The following RTL4 variants were observed in gnomAD, a reference collection of about 807,000 sequenced individuals.
The protein encoded by RTL4 is retrotransposon Gag-like protein 4.
In RTL4, 4 loss-of-function variants were observed where a neutral mutation model predicts 5.3. The observed-to-expected ratio is 0.75, with a 90% CI of 0.37 to 1.72. The LOEUF is 1.72. Among genes scored for constraint, RTL4 ranks in the 40% most tolerant of loss-of-function variants. RTL4 has a pLI of 0.04. For missense variants in RTL4, 260 were observed against 227.1 expected (o/e 1.14, Z -0.93); for synonymous variants, 98 against 87.3 (o/e 1.12, Z -0.68).
chrX:112,084,303 C>T, the RTL4 span, among the ~76,000 whole-genome samples: 1 of 110,368 alleles, frequency 9.1e-6, no homozygotes, highest in South Asian at 4.0e-4. Flanking sequence ...CTCCTAGTCC[C>T]GAGGCAGTCC....
chrX:112,353,334 C>T, the RTL4 span, among the ~76,000 whole-genome samples: 193 of 111,371 alleles, frequency 1.7e-3, no homozygotes, highest in African/African-American at 6.0e-3. Context: ...TATTACTGGG[C>T]ATATACCCAA....
the RTL4 span, among the ~76,000 whole-genome samples, chrX:112,147,498 GGACAGA>G: frequency 2.3e-4 from 26 of 111,977 alleles, no homozygotes; most frequent in Non-Finnish European, 4.9e-4. Flanking sequence ...AGTCCATATG[GGACAGA>G]GTTGTGGCCA....
At chrX:112,151,699 A>G in the RTL4 span, among the ~76,000 whole-genome samples, 1 of 111,962 alleles carries the variant, frequency 8.9e-6, no homozygotes, top group African/African-American at 3.2e-5. Flanking sequence ...AGGTGAGTTT[A>G]ATTTATTCCT....
At chrX:112,380,720 C>T in the RTL4 span, among the ~76,000 whole-genome samples, 16 of 112,385 alleles carry the variant, frequency 1.4e-4, no homozygotes, top group Non-Finnish European at 2.8e-4. Flanking sequence ...TGAAGGGGCG[C>T]GGCCGTTGCC....
At chrX:112,437,128 A>G in the RTL4 span, among the ~76,000 whole-genome samples, 1 of 111,745 alleles carries the variant, frequency 8.9e-6, no homozygotes, top group Non-Finnish European at 1.9e-5. Flanking sequence ...GCTTCTACCT[A>G]CTTTCCTGTC....
At chrX:112,301,007 A>C in the RTL4 span, among the ~76,000 whole-genome samples, 1 of 111,697 alleles carries the variant, frequency 9.0e-6, no homozygotes, top group Non-Finnish European at 1.9e-5. Flanking sequence ...CCTGTGGAGT[A>C]TATCAATGAG....
At chrX:112,144,901 C>A in the RTL4 span, among the ~76,000 whole-genome samples, 1 of 111,684 alleles carries the variant, frequency 9.0e-6, no homozygotes, top group African/African-American at 3.3e-5. Flanking sequence ...GATTTCTAAT[C>A]CCAAATATGA....
chrX:112,442,960 A>T, the RTL4 span, among the ~76,000 whole-genome samples: 22 of 111,369 alleles, frequency 2.0e-4, no homozygotes, highest in Non-Finnish European at 3.2e-4. Flanking sequence ...TTAAATTATT[A>T]TTGACTTACA....
the RTL4 span, among the ~76,000 whole-genome samples, chrX:112,400,291 C>T: frequency 1.8e-5 from 2 of 111,613 alleles, no homozygotes; most frequent in East Asian, 2.8e-4. Context: ...TATTATGTTT[C>T]GTTTGGGATC....
At chrX:112,273,288 C>G in the RTL4 span, among the ~76,000 whole-genome samples, 4 of 106,920 alleles carry the variant, frequency 3.7e-5, no homozygotes, top group African/African-American at 1.4e-4. Flanking sequence ...GAGTCTCCCT[C>G]TGTTGCCCAG....
At chrX:112,446,128 G>A in the RTL4 span, among the ~76,000 whole-genome samples, 1 of 111,781 alleles carries the variant, frequency 8.9e-6, no homozygotes, top group Non-Finnish European at 1.9e-5. Flanking sequence ...CAAACTTGTG[G>A]GCCAGTTATG....
chrX:112,155,354 C>A, the RTL4 span, among the ~76,000 whole-genome samples: 2 of 110,890 alleles, frequency 1.8e-5, no homozygotes, highest in African/African-American at 6.5e-5. Flanking sequence ...TAGGCAATTG[C>A]AATATTAAAC....
At chrX:112,155,717 G>C in the RTL4 span, among the ~76,000 whole-genome samples, 340 of 111,517 alleles carry the variant, frequency 3.0e-3, no homozygotes, top group African/African-American at 0.011. Flanking sequence ...ATGCTTCTTA[G>C]ATTGTTGCAA....
At chrX:112,285,638 T>C in the RTL4 span, among the ~76,000 whole-genome samples, 2 of 111,668 alleles carry the variant, frequency 1.8e-5, no homozygotes, top group Admixed American at 1.9e-4. Context: ...ATATTGGTAA[T>C]TGCCATGACC....
chrX:112,288,536 A>G, the RTL4 span, among the ~76,000 whole-genome samples: 9 of 112,346 alleles, frequency 8.0e-5, no homozygotes, highest in Admixed American at 8.5e-4. Flanking sequence ...AGGTTGTAAA[A>G]GAATGGGATG....
At chrX:112,399,319 G>A in the RTL4 span, among the ~76,000 whole-genome samples, 1 of 110,986 alleles carries the variant, frequency 9.0e-6, no homozygotes, top group Non-Finnish European at 1.9e-5. Context: ...CTATTTTATA[G>A]GTTTCAGCTC....
At chrX:112,083,061 C>T in the RTL4 span, among the ~76,000 whole-genome samples, 2 of 110,175 alleles carry the variant, frequency 1.8e-5, no homozygotes, top group East Asian at 2.9e-4. Flanking sequence ...AAGCCGCAGC[C>T]GCAGCCCCAA....
At chrX:112,089,515 C>T in the RTL4 span, among the ~76,000 whole-genome samples, 6 of 110,949 alleles carry the variant, frequency 5.4e-5, no homozygotes, top group Non-Finnish European at 9.5e-5. Flanking sequence ...CTTTCCTGAT[C>T]GAATGATACT....
chrX:112,179,456 T>C, the RTL4 span, among the ~76,000 whole-genome samples: 2 of 111,980 alleles, frequency 1.8e-5, 1 homozygote, highest in Admixed American at 1.9e-4. Flanking sequence ...CTCTGGGTTA[T>C]ATGTTGGGTC....
Sources: allele counts gnomAD v4.1 joint callset (sites outside exome capture counted in the v4.1 genomes callset), GRCh38; gene constraint gnomAD v4.1.1; transcripts MANE v1.5; gene names NCBI Gene and HGNC (gene_info 2026-07-23, HGNC 2026-07-21).